TEX11: variants seen among roughly 807,000 people sequenced by gnomAD.
TEX11 encodes the protein testis expressed 11.
In TEX11, 7 loss-of-function variants were observed where a neutral mutation model predicts 84.4. The observed-to-expected ratio is 0.08, with a 90% CI of 0.05 to 0.16. The LOEUF is 0.16. Ranked by LOEUF, TEX11 falls within the 10% of genes least tolerant of loss-of-function variation. The probability of loss-of-function intolerance (pLI) is 1.00; values close to 1 mark genes in which losing one functional copy is unlikely to be tolerated. For missense variants in TEX11, 551 were observed against 660.5 expected, an observed-to-expected ratio of 0.83 and a Z score of 1.82; for synonymous variants, 264 against 222.8, an observed-to-expected ratio of 1.18 and a Z score of -1.64.
intron 17 of TEX11, among the ~76,000 whole-genome samples, chrX:70,632,302 CAGA>C (rs1216266189): frequency 9.0e-6 from 1 of 110,944 alleles, no homozygotes; most frequent in African/African-American, 3.3e-5. Context: ...TCAAAGAAAG[CAGA>C]AGAATGGATA....
At chrX:70,896,732 A>C (rs1281461573) in intron 2 of TEX11, among the ~76,000 whole-genome samples, 1 of 111,268 alleles carries the variant, frequency 9.0e-6, no homozygotes, top group East Asian at 2.8e-4. Flanking sequence ...GACATGGATG[A>C]AGCTGGAAAC....
At chrX:70,700,419 A>G (rs1603226957) in intron 13 of TEX11, among the ~76,000 whole-genome samples, 1 of 111,342 alleles carries the variant, frequency 9.0e-6, no homozygotes, top group African/African-American at 3.3e-5. Context: ...CAATATTTCA[A>G]TTTTTTTCAT....
At chrX:70,566,651 A>G (rs2088484645) in intron 25 of TEX11, among the ~76,000 whole-genome samples, 1 of 111,370 alleles carries the variant, frequency 9.0e-6, no homozygotes. Flanking sequence ...TTCTGCATCT[A>G]TTGAGATAAT....
At chrX:70,871,908 T>C (rs1234635277) in intron 4 of TEX11, among the ~76,000 whole-genome samples, 1 of 105,394 alleles carries the variant, frequency 9.5e-6, no homozygotes, top group African/African-American at 3.5e-5. Context: ...ACAGTCTCTT[T>C]TCTCTTCCCT....
chrX:70,845,615 G>A (rs941257879), intron 7 of TEX11, among the ~76,000 whole-genome samples: 2 of 110,382 alleles, frequency 1.8e-5, no homozygotes, highest in Non-Finnish European at 3.8e-5. Flanking sequence ...ATCACCTGAG[G>A]TCAGGAGTTC....
In TEX11 at chrX:70,749,699, G is replaced by C. The variant is rs775196903; in HGVS notation, c.693-5480C>G. On this transcript the variant is annotated intron_variant, in intron 9 of 29. Coordinates refer to ENST00000374333, the MANE Select transcript of TEX11 (RefSeq NM_031276.3). ...GATAATCATGTGGTTTTTGTCTTTG[G>C]CTCTGTTTATATGCTGGATTACATT... 1.2e-4 allele frequency among the ~76,000 whole-genome samples: 12 copies of C among 101,188 alleles called. 1 individual carries two copies. The South Asian group carries it at 4.1e-3, about 34-fold the overall frequency. 87.9% of individuals were successfully genotyped at this position (101,188 alleles called of 115,157 possible).
chrX:70,781,338 TG>T (rs1362811978), intron 9 of TEX11, among the ~76,000 whole-genome samples: 3 of 111,959 alleles, frequency 2.7e-5, no homozygotes, highest in African/African-American at 9.7e-5. Context: ...CAAAGGTAGA[TG>T]AAAACCACAA....
chrX:70,849,421 A>T (rs1243279380), intron 7 of TEX11, among the ~76,000 whole-genome samples: 1 of 111,980 alleles, frequency 8.9e-6, no homozygotes, highest in African/African-American at 3.2e-5. Context: ...TGAGGATAGG[A>T]TATGTGATTA....
intron 16 of TEX11, among the ~76,000 whole-genome samples, chrX:70,654,425 T>C (rs2089840747): frequency 9.0e-6 from 1 of 110,586 alleles, no homozygotes; most frequent in Admixed American, 9.7e-5. Flanking sequence ...AAATGACAAA[T>C]AGAAGCCGGG....
chrX:70,568,472 C>T (rs1208114024), intron 25 of TEX11, among the ~76,000 whole-genome samples: 1 of 108,910 alleles, frequency 9.2e-6, no homozygotes, highest in Non-Finnish European at 1.9e-5. Context: ...TTATTTTGCT[C>T]GTTAGTTGAT....
chrX:70,774,511 G>C (rs370548269), intron 9 of TEX11, among the ~76,000 whole-genome samples: 14 of 111,108 alleles, frequency 1.3e-4, no homozygotes, highest in South Asian at 3.7e-4. Flanking sequence ...AAATAACTTT[G>C]GTAAACTTGC....
At chrX:70,906,119 ATATATATATATAT>A (rs2091832332) in intron 2 of TEX11, among the ~76,000 whole-genome samples, 1 of 71,761 alleles carries the variant, frequency 1.4e-5, no homozygotes, top group Non-Finnish European at 2.6e-5. Context: ...ATATATATAT[ATATATATATATAT>A]ATCACAATGC....
intron 9 of TEX11, among the ~76,000 whole-genome samples, chrX:70,746,141 G>A (rs950386625): frequency 4.5e-5 from 5 of 111,523 alleles, no homozygotes; most frequent in African/African-American, 1.6e-4. Context: ...ATCTATACTG[G>A]CTCCATGTGA....
rs1263464559 is a variant in TEX11, at chrX:70,649,117, T to C, written c.1483+2333A>G. Among the ~76,000 whole-genome samples, 4 of 112,287 alleles carry C rather than the reference T, an allele frequency of 3.6e-5. No homozygotes were observed. The East Asian group carries it at 8.3e-4, about 23-fold the overall frequency. On this transcript the variant is annotated intron_variant, in intron 17 of 29. Transcript: ENST00000374333. ...CACATTTTCTTTATCCAGTCTGCCA[T>C]TGATGGGCATTTGGGTTGGTTCCAT...
intron 8 of TEX11, among the ~76,000 whole-genome samples, chrX:70,826,041 C>T (rs770202375): frequency 9.1e-6 from 1 of 110,162 alleles, no homozygotes; most frequent in East Asian, 2.9e-4. Flanking sequence ...CAGTGGCTCA[C>T]GCCTGTAATT....
rs1603109550 is a variant in TEX11 at position 70,588,675 on chromosome X, G to A, written c.2140+3076C>T. Among the ~76,000 whole-genome samples the A allele has an allele frequency of 2.7e-5, 3 of 111,978 alleles. No homozygotes were observed. In the Middle Eastern group the frequency reaches 0.014, roughly 514 times the overall value. On this transcript the variant is annotated intron_variant, in intron 25 of 29. Transcript: ENST00000374333. ...TAGAATTCAGCCTTAAAATGGAAGG[G>A]AATTTTGACACATGCTATGACATGG...
intron 28 of TEX11, among the ~76,000 whole-genome samples, chrX:70,548,108 G>A (rs2147942507): frequency 9.0e-6 from 1 of 111,275 alleles, no homozygotes; most frequent in South Asian, 3.8e-4. Context: ...ATGAGTTCAT[G>A]TCCTTTGTAG....
intron 4 of TEX11, among the ~76,000 whole-genome samples, chrX:70,869,102 TAAAATAAAATAAAAC>T (rs2091616817): frequency 3.3e-5 from 3 of 90,667 alleles, no homozygotes; most frequent in East Asian, 4.9e-4. Flanking sequence ...TAAAATAAAA[TAAAATAAAATAAAAC>T]AAAATAAAAT....
At chrX:70,838,270 T>G (rs1427681313) in intron 7 of TEX11, among the ~76,000 whole-genome samples, 7 of 110,261 alleles carry the variant, frequency 6.3e-5, no homozygotes, top group Non-Finnish European at 1.3e-4. Context: ...AATACAAAAT[T>G]TAGCCTAGCA....
Sources: gnomAD v4.1 joint callset for allele counts (sites outside exome capture counted in the v4.1 genomes callset) on GRCh38, gnomAD v4.1.1 for gene constraint, MANE v1.5 for transcripts, NCBI Gene and HGNC (gene_info 2026-07-23, HGNC 2026-07-21) for gene names.